Variants in IRAK4 observed in about 807,000 individuals in gnomAD.
IRAK4 encodes interleukin 1 receptor associated kinase 4.
Under a neutral mutation model 51.8 loss-of-function variants are expected in IRAK4, and 44 were observed. The observed-to-expected ratio is 0.85, with a 90% CI of 0.67 to 1.09. The LOEUF (loss-of-function observed/expected upper bound fraction) is 1.09, where lower values mean the gene tolerates loss of function less well. Among genes scored for constraint, IRAK4 ranks in the 50% least tolerant of loss-of-function variants. The probability of loss-of-function intolerance (pLI) is 0.00; values close to 1 mark genes in which losing one functional copy is unlikely to be tolerated. For synonymous variants in IRAK4, 149 were observed against 174.1 expected, an observed-to-expected ratio of 0.86 and a Z score of 1.13; for missense variants, 487 against 538.0, an observed-to-expected ratio of 0.91 and a Z score of 0.94.
chr12:43,773,908 T>C (rs1941023594), intron 5 of IRAK4, 57 bp from the exon 6 acceptor site: 1 of 1,120,782 alleles, frequency 8.9e-7, no homozygotes, highest in Admixed American at 1.7e-5. Flanking sequence ...TTGATCCCTC[T>C]GAGCATTAGG....
chr12:43,759,907 C>T (rs1341681744), intron 1 of IRAK4, among the ~76,000 whole-genome samples: 2 of 150,360 alleles, frequency 1.3e-5, no homozygotes, highest in Non-Finnish European at 3.0e-5. Flanking sequence ...CCTGAGAAAG[C>T]GAGAAAGCAC....
rs75608281 is a variant in IRAK4, at chr12:43,782,963, A to C, written c.1125+473A>C. On this transcript the variant is annotated intron_variant, in intron 9 of 11. Coordinates refer to ENST00000613694, the MANE Select transcript of IRAK4 (RefSeq NM_016123.4). ...CACTGAAAATAAGGCATAGGGCTAT[A>C]GAATATGCCTAATGTTTAGAAAATA... Among the ~76,000 whole-genome samples the C allele has an allele frequency of 2.1e-3, 315 of 152,336 alleles. 3 individuals carry two copies. In the East Asian group the frequency reaches 0.038, roughly 18 times the overall value.
At chr12:43,763,199 A>C (rs1939748884) in intron 1 of IRAK4, 1 of 152,190 alleles carries the variant, frequency 6.6e-6, no homozygotes, top group African/African-American at 2.4e-5. Context: ...TTAGGAAGTT[A>C]TTTCTTGTCA....
Position 43,772,851 on chromosome 12 carries a change from ATAT to A in IRAK4, c.491-57_491-55del, listed in dbSNP as rs1161647411. The A allele has an allele frequency of 4.9e-6, 6 of 1,212,282 alleles. No homozygotes were observed. The African/African-American group carries it at 6.1e-5, about 12-fold the overall frequency. The allele number at this position is 1,212,282 out of a possible 1,614,324, so 75.1% of individuals were successfully genotyped here. On this transcript the variant is annotated intron_variant, in intron 4 of 11. Transcript: ENST00000613694. ...ATATGTGAAATCTTCAAATGAGAAA[ATAT>A]TATAATTATTAAAACGAATTTTTAA...
Position 43,786,560 on chromosome 12 carries a change from A to G in IRAK4, c.1347+3A>G. 1.9e-6 allele frequency: 3 copies of G among 1,613,320 alleles called. No individual in the cohort carries two copies. The highest frequency in any genetic ancestry group is 2.5e-6 in the Non-Finnish European group (3 of 1,179,486). On this transcript the variant is annotated splice_donor_region_variant and intron_variant, in intron 11 of 11. Coordinates refer to ENST00000613694, the MANE Select transcript of IRAK4 (RefSeq NM_016123.4). ...ATAAGAGACCAGACATTAAGAAGGT[A>G]TGCATTTTTTATACTTATTTAAAAA...
At chr12:43,773,115 A>AGTGT in intron 5 of IRAK4, 43 bp downstream of exon 5, 2 of 1,548,454 alleles carry the variant, frequency 1.3e-6, no homozygotes, top group Non-Finnish European at 1.8e-6. Context: ...GTTGCTTCAT[A>AGTGT]GTGTGCCCTA....
rs144535012 is a variant in IRAK4 at position 43,788,475 on chromosome 12, G to A, written c.*1760G>A. On this transcript the variant is annotated 3_prime_UTR_variant, in exon 12 of 12. Transcript: ENST00000613694. ...CAGGAGTGGAGCTGCCCACGGCCTC[G>A]AGGGCCCACCCCTTGCACCAGTGTG... The A allele has an allele frequency of 0.019, 2,881 of 152,164 alleles. 60 individuals are homozygous for A. Among genetic ancestry groups the A allele is most frequent in the South Asian group, 0.072 (346 of 4,810 alleles). The allele number at this position is 152,164 out of a possible 1,614,324, so 9.4% of individuals were successfully genotyped here.
Position 43,786,858 on chromosome 12 carries a change from A to C in IRAK4, c.*143A>C. Reference sequence around the variant, plus strand: ...CAGTGGTTATTAAAGCATGGGTTGAACTTCCAAAATATAAAAATAGAGCCA... The same window carrying C: ...CAGTGGTTATTAAAGCATGGGTTGACCTTCCAAAATATAAAAATAGAGCCA... On this transcript the variant is annotated 3_prime_UTR_variant, in exon 12 of 12. Coordinates refer to ENST00000613694, the MANE Select transcript of IRAK4 (RefSeq NM_016123.4). 1.4e-6 allele frequency: 1 copy of C among 704,184 alleles called. No individual in the cohort carries two copies. The highest frequency in any genetic ancestry group is 2.4e-6 in the Non-Finnish European group (1 of 408,976). The allele number at this position is 704,184 out of a possible 1,614,324, so 43.6% of individuals were successfully genotyped here. A position where few individuals can be genotyped will look rare whatever the true frequency, so the allele number is the denominator to read the frequency against.
chr12:43,768,685 G>T, intron 2 of IRAK4: 1 of 158,826 alleles, frequency 6.3e-6, no homozygotes, highest in Admixed American at 6.2e-5. Context: ...AATGTATTTT[G>T]GGACTTTTTC....
At chr12:43,777,305 C>G (rs1227832302) in intron 6 of IRAK4, among the ~76,000 whole-genome samples, 1 of 152,246 alleles carries the variant, frequency 6.6e-6, no homozygotes, top group Admixed American at 6.5e-5. Flanking sequence ...AGGAGGATCA[C>G]TTGAGTCCAG....
intron 2 of IRAK4, among the ~76,000 whole-genome samples, chr12:43,769,609 G>C (rs61933169): frequency 6.6e-6 from 1 of 152,120 alleles, no homozygotes; most frequent in African/African-American, 2.4e-5. Flanking sequence ...CCATGATCAT[G>C]CCACTGCACT....
chr12:43,781,485 T>A (rs947353888), intron 8 of IRAK4, among the ~76,000 whole-genome samples: 2 of 152,234 alleles, frequency 1.3e-5, no homozygotes. Flanking sequence ...TTTGTCACTT[T>A]GTACCTGTTA....
chr12:43,779,326 A>T (rs1941574459), intron 8 of IRAK4, among the ~76,000 whole-genome samples: 1 of 152,198 alleles, frequency 6.6e-6, no homozygotes, highest in Non-Finnish European at 1.5e-5. Flanking sequence ...TGGATTGGAG[A>T]TAAAACTACA....
In IRAK4 at chr12:43,778,254, G is replaced by A. The variant is rs568782766; in HGVS notation, c.893G>A (p.Gly298Asp). 2.8e-5 allele frequency: 45 copies of A among 1,610,978 alleles called. No individual in the cohort carries two copies. Among genetic ancestry groups the A allele is most frequent in the Non-Finnish European group, 3.8e-5 (45 of 1,177,478 alleles). ...AAGATTGCTCAGGGTGCAGCTAATG[G>A]CATCAATTTTCTACATGAAAATCAT... is the stretch of plus-strand genomic sequence containing the variant. ...RCKIAQGAAN[G>D]INFLHENHHI... Residue 298 changes from glycine to aspartate, a missense_variant, in exon 8 of 12, where the codon GGC (glycine) becomes GAC (aspartate). Physicochemically the swap from Gly to Asp is moderately conservative, Grantham distance 94 (BLOSUM62 -1). Coordinates refer to ENST00000613694, the MANE Select transcript of IRAK4 (RefSeq NM_016123.4).
chr12:43,764,628 A>C (rs562335980), intron 1 of IRAK4, among the ~76,000 whole-genome samples: 9 of 152,340 alleles, frequency 5.9e-5, no homozygotes, highest in African/African-American at 2.2e-4. Context: ...GGAAACAAAA[A>C]GAAGTCAGAA....
In IRAK4 at chr12:43,773,024, TA is replaced by T. The variant is rs1217726251; in HGVS notation, c.606del (p.Gly203AlafsTer3). On this transcript the variant is annotated frameshift_variant, in exon 5 of 12. Transcript: ENST00000613694. LOFTEE classifies it high-confidence loss of function. ...GAGAGGGAGGATTTGGAGTTGTATATAAAGGCTACGTAAATAACACAACTGT... is the reference window on the plus strand; with the variant it reads ...GAGAGGGAGGATTTGGAGTTGTATATAAGGCTACGTAAATAACACAACTGT... ...MGEGGFGVVY[K>X]GYVNNTTVAV... The T allele has an allele frequency of 6.2e-7, 1 of 1,613,170 alleles. No individual in the cohort carries two copies. The highest frequency in any genetic ancestry group is 1.3e-5 in the African/African-American group (1 of 75,016).
chr12:43,773,636 A>G (rs1390445007), intron 5 of IRAK4, among the ~76,000 whole-genome samples: 2 of 151,972 alleles, frequency 1.3e-5, no homozygotes, highest in East Asian at 1.9e-4. Flanking sequence ...GGGCTTTTGT[A>G]GGGTTTTTTT....
intron 2 of IRAK4, among the ~76,000 whole-genome samples, chr12:43,769,425 C>T (rs180708594): frequency 1.0e-3 from 152 of 152,132 alleles, no homozygotes; most frequent in African/African-American, 3.3e-3. Flanking sequence ...TTGTGGAGAC[C>T]GAGGTGGGCA....
rs951634275 is a variant in IRAK4, at chr12:43,782,471, A to T, written c.1106A>T (p.Asp369Val). The T allele has an allele frequency of 6.2e-7, 1 of 1,613,104 alleles. No individual in the cohort carries two copies. Residue 369 changes from aspartate to valine, a missense_variant, in exon 9 of 12, where the codon GAT (aspartate) becomes GTT (valine). Coordinates refer to ENST00000613694, the MANE Select transcript of IRAK4 (RefSeq NM_016123.4). The part of the protein sequence containing the change: ...ALRGEITPKS[D>V]IYSFGVVLLE... ...CGTGGAGAAATAACACCCAAATCTG[A>T]TATTTACAGCTTTGGTGTGGTAAGT...
Sources: allele counts gnomAD v4.1 joint callset (sites outside exome capture counted in the v4.1 genomes callset), GRCh38; gene constraint gnomAD v4.1.1; transcripts MANE v1.5; gene names NCBI Gene and HGNC (gene_info 2026-07-23, HGNC 2026-07-21).